The following ECE1 variants were observed in gnomAD, a reference collection of about 807,000 sequenced individuals.
ECE1 encodes endothelin-converting enzyme 1.
A neutral mutation model predicts 98.6 loss-of-function variants in ECE1; 35 were observed. The ratio of observed to expected loss-of-function variants is 0.35; its 90% CI spans 0.27 to 0.47. ECE1 has a LOEUF of 0.47. ECE1 is among the 20% of genes least tolerant of loss of function. The pLI is 1.00. For synonymous variants in ECE1, 394 were observed against 407.1 expected, an observed-to-expected ratio of 0.97 and a Z score of 0.39; for missense variants, 814 against 1,025.3, an observed-to-expected ratio of 0.79 and a Z score of 2.81.
chr1:21,309,719 C>G (rs1313417672), intron 1 of ECE1, among the ~76,000 whole-genome samples: 1 of 152,128 alleles, frequency 6.6e-6, no homozygotes, highest in Non-Finnish European at 1.5e-5. Flanking sequence ...CCTCTTCAAT[C>G]AGGACCCTCA....
chr1:21,304,463 T>C (rs1039412989), intron 1 of ECE1, among the ~76,000 whole-genome samples: 7 of 150,724 alleles, frequency 4.6e-5, no homozygotes, highest in Non-Finnish European at 1.0e-4. Context: ...CCTTATCTCC[T>C]CCTCACTGTG....
chr1:21,277,474 G>C (rs986236901), intron 3 of ECE1, among the ~76,000 whole-genome samples: 1 of 152,214 alleles, frequency 6.6e-6, no homozygotes, highest in African/African-American at 2.4e-5. Flanking sequence ...ACACTGACCA[G>C]GAGGGGGTTC....
chr1:21,327,209 G>C lies in ECE1; in HGVS notation c.3+18167C>G, dbSNP rs1258249032. Among the ~76,000 whole-genome samples, 1 of 152,246 alleles carries C rather than the reference G, an allele frequency of 6.6e-6. No individual in the cohort carries two copies. Among genetic ancestry groups the C allele is most frequent in the Non-Finnish European group, 1.5e-5 (1 of 68,040 alleles). On this transcript the variant is annotated intron_variant, in intron 1 of 18. Coordinates refer to the ECE1 transcript ENST00000415912. This position sits in a 1 kb window ranked among gnomAD's most constrained non-coding sequence, Gnocchi z 4.6. The stretch of plus-strand genomic sequence containing the variant: ...GGGACTCTGCCAGAGCAGCTGCCAG[G>C]AATCTGGGGCCTGGAGTCCATGTTT...
intron 1 of ECE1, among the ~76,000 whole-genome samples, chr1:21,306,071 G>T (rs1200487642): frequency 6.6e-6 from 1 of 152,138 alleles, no homozygotes; most frequent in African/African-American, 2.4e-5. Context: ...TGGACGCTGG[G>T]GATGTCAATG....
intron 8 of ECE1, among the ~76,000 whole-genome samples, chr1:21,253,080 G>C (rs965877631): frequency 7.2e-4 from 109 of 151,000 alleles, no homozygotes; most frequent in African/African-American, 2.6e-3. Flanking sequence ...TTTTTGAGAC[G>C]GAGTCTCGCT....
At chr1:21,296,749 C>T (rs991301141) in intron 1 of ECE1, among the ~76,000 whole-genome samples, 4 of 152,174 alleles carry the variant, frequency 2.6e-5, no homozygotes, top group Non-Finnish European at 5.9e-5. Context: ...ATCTCAGGGC[C>T]TCACCTCCTT....
chr1:21,337,271 A>C (rs527749480), intron 1 of ECE1, among the ~76,000 whole-genome samples: 190 of 152,348 alleles, frequency 1.2e-3, no homozygotes, highest in Non-Finnish European at 2.5e-3. Context: ...ATGCTGGTAC[A>C]GGCGACACGG....
intron 1 of ECE1, among the ~76,000 whole-genome samples, chr1:21,301,936 C>T (rs1342208943): frequency 6.6e-6 from 1 of 151,882 alleles, no homozygotes; most frequent in Non-Finnish European, 1.5e-5. Context: ...GCACTGTTCC[C>T]ATTTGACAGA....
intron 3 of ECE1, among the ~76,000 whole-genome samples, chr1:21,273,344 TGC>T (rs1481880741): frequency 1.7e-4 from 15 of 89,650 alleles, no homozygotes. Flanking sequence ...CGTGCGTGTG[TGC>T]GTGTGTGTGT....
chr1:21,254,068 CA>C lies in ECE1; in HGVS notation c.1020+1878del, dbSNP rs57691016. Among the ~76,000 whole-genome samples, 818 of 99,044 alleles carry C rather than the reference CA, an allele frequency of 8.3e-3. 6 individuals are homozygous for C. Among genetic ancestry groups the C allele is most frequent in the African/African-American group, 0.027 (610 of 22,450 alleles). 65.0% of individuals were successfully genotyped at this position (99,044 alleles called of 152,430 possible). A position where few individuals can be genotyped will look rare whatever the true frequency, so the allele number is the denominator to read the frequency against. ...TGGGCGACAGAGCAAGACTTTGTCT[CA>C]AAAAAAAAAAAAAAAAAAAAAAAGA... On this transcript the variant is annotated intron_variant, in intron 8 of 18. Transcript: ENST00000374893.
Position 21,225,153 on chromosome 1 carries a change from T to C in ECE1, c.2040+97A>G, listed in dbSNP as rs1263885106. 3.7e-5 allele frequency: 55 copies of C among 1,500,114 alleles called. No individual in the cohort carries two copies. The allele number at this position is 1,500,114 out of a possible 1,614,324, so 92.9% of individuals were successfully genotyped here. A position where few individuals can be genotyped will look rare whatever the true frequency, so the allele number is the denominator to read the frequency against. On this transcript the variant is annotated intron_variant, in intron 17 of 18. Transcript: ENST00000374893. The surrounding 1 kb of genome is among the most constrained non-coding windows in gnomAD (Gnocchi z 5.3). Reference sequence around the variant, plus strand: ...AGGAAACGGAAGCTCGCACGGCTGCTGCGCCTGCCCTGGTTGTCCGTGATG... The same window carrying C: ...AGGAAACGGAAGCTCGCACGGCTGCCGCGCCTGCCCTGGTTGTCCGTGATG...
rs759882265 is a variant in ECE1, at chr1:21,247,176, G to A, written c.1163+45C>T. On this transcript the variant is annotated intron_variant, in intron 9 of 18. Coordinates refer to ENST00000374893, the MANE Select transcript of ECE1 (RefSeq NM_001397.3). ...CCCTGCCCACCTGCCCAAGAAGAGG[G>A]CTGTCTGTGAGAGGCGTGCCCCAGG... 3.1e-6 allele frequency: 5 copies of A among 1,613,620 alleles called. No individual in the cohort carries two copies. The East Asian group carries it at 8.9e-5, about 29-fold the overall frequency.
At chr1:21,262,887 GCAACCGCC>G (rs1347980703) in intron 4 of ECE1, among the ~76,000 whole-genome samples, 1 of 152,170 alleles carries the variant, frequency 6.6e-6, no homozygotes, top group African/African-American at 2.4e-5. Context: ...CTTTTGCCTG[GCAACCGCC>G]AGGCCGGGTG....
intron 1 of ECE1, among the ~76,000 whole-genome samples, chr1:21,331,100 C>T (rs1342549014): frequency 2.0e-5 from 3 of 152,026 alleles, no homozygotes; most frequent in African/African-American, 7.2e-5. Flanking sequence ...CATAGCAAAC[C>T]CTGTCTCTAC....
At chr1:21,273,036 A>G in intron 3 of ECE1, 125 bp from the exon 4 acceptor site, 1 of 999,536 alleles carries the variant, frequency 1.0e-6, no homozygotes. Context: ...CAGATTTGGA[A>G]CTGGACGGTC....
At chr1:21,222,126 A>C (rs770995296) in intron 17 of ECE1, 2 of 482,378 alleles carry the variant, frequency 4.1e-6, no homozygotes, top group Non-Finnish European at 7.6e-6. Context: ...GCCAAGATGC[A>C]TCTCAAACTT....
At position 21,220,545 on chromosome 1, in the gene ECE1, A is replaced by T. The variant is rs965100565; in HGVS notation, c.2137-414T>A. Reference sequence around the variant, plus strand: ...TGTGGTGGCTCATACCTGTAATCCCAGCACTTTAAGAGGCCAAGGTGGCGG... The same window carrying T: ...TGTGGTGGCTCATACCTGTAATCCCTGCACTTTAAGAGGCCAAGGTGGCGG... On this transcript the variant is annotated intron_variant, in intron 18 of 18. Transcript: ENST00000374893. This position sits in a 1 kb window ranked among gnomAD's most constrained non-coding sequence, Gnocchi z 5.0. Among the ~76,000 whole-genome samples, 2 of 152,146 alleles carry T rather than the reference A, an allele frequency of 1.3e-5. No individual in the cohort carries two copies. The highest frequency in any genetic ancestry group is 4.8e-5 in the African/African-American group (2 of 41,432).
chr1:21,238,765 T>G (rs1413608897), intron 10 of ECE1, among the ~76,000 whole-genome samples: 1 of 152,108 alleles, frequency 6.6e-6, no homozygotes, highest in Non-Finnish European at 1.5e-5. Flanking sequence ...CCAATGCCAT[T>G]GAAGATCTCC....
chr1:21,223,272 G>A (rs956836144), intron 17 of ECE1, among the ~76,000 whole-genome samples: 45 of 150,000 alleles, frequency 3.0e-4, no homozygotes, highest in African/African-American at 1.0e-3. Context: ...GGCACCCAGA[G>A]GACTCTTGTT....
Sources: gnomAD v4.1 joint callset for allele counts (sites outside exome capture counted in the v4.1 genomes callset) on GRCh38, gnomAD v4.1.1 for gene constraint, Gnocchi (gnomAD v3.1) non-coding constraint, MANE v1.5 for transcripts, NCBI Gene and HGNC (gene_info 2026-07-23, HGNC 2026-07-21) for gene names.